The following MLANA variants were observed in gnomAD, a reference collection of about 807,000 sequenced individuals.
The protein encoded by MLANA is melan-A.
MLANA carries 21 observed loss-of-function variants against 15.7 expected under a neutral mutation model. The observed-to-expected ratio is 1.33, with a 90% CI of 0.95 to 1.92. The LOEUF (loss-of-function observed/expected upper bound fraction) is 1.92, where lower values mean the gene tolerates loss of function less well. Ranked by LOEUF, MLANA falls within the 40% of genes most tolerant of loss-of-function variation. The pLI, the probability that MLANA is intolerant of heterozygous loss-of-function variation, is 0.00. For synonymous variants in MLANA, 56 were observed against 51.5 expected, an observed-to-expected ratio of 1.09 and a Z score of -0.37; for missense variants, 164 against 143.8, an observed-to-expected ratio of 1.14 and a Z score of -0.72.
intron 3 of MLANA, among the ~76,000 whole-genome samples, chr9:5,904,210 G>A (rs1333440752): frequency 6.6e-6 from 1 of 150,582 alleles, no homozygotes; most frequent in Non-Finnish European, 1.5e-5. Flanking sequence ...TTTAAAGAGG[G>A]TTTCTTGTAG....
At chr9:5,896,840 A>G (rs541528037) in intron 2 of MLANA, among the ~76,000 whole-genome samples, 1 of 152,328 alleles carries the variant, frequency 6.6e-6, no homozygotes, top group East Asian at 1.9e-4. Context: ...CTGCTTAGAC[A>G]AGATCCTTCT....
chr9:5,892,949 C>A (rs939985103), intron 2 of MLANA, among the ~76,000 whole-genome samples: 2 of 152,126 alleles, frequency 1.3e-5, no homozygotes, highest in African/African-American at 4.8e-5. Flanking sequence ...GCCAAGGAGC[C>A]AGTAAGGATG....
chr9:5,905,008 C>T (rs112976176), intron 3 of MLANA, among the ~76,000 whole-genome samples: 3,104 of 151,906 alleles, frequency 0.02, 49 homozygotes, highest in Non-Finnish European at 0.03. Context: ...CTCCTGACCT[C>T]GTGATCCACA....
chr9:5,891,810 C>T (rs1362155079), intron 1 of MLANA, among the ~76,000 whole-genome samples: 1 of 152,198 alleles, frequency 6.6e-6, no homozygotes, highest in Non-Finnish European at 1.5e-5. Context: ...AAGTCAGGTC[C>T]TGGGCTTCCT....
intron 3 of MLANA, chr9:5,899,054 G>T (rs1294041884): frequency 2.0e-5 from 3 of 152,180 alleles, no homozygotes; most frequent in Non-Finnish European, 4.4e-5. Context: ...ACAGGTTTCA[G>T]CAATCTTGCT....
intron 1 of MLANA, among the ~76,000 whole-genome samples, chr9:5,891,928 C>A (rs2129876949): frequency 6.6e-6 from 1 of 152,308 alleles, no homozygotes; most frequent in South Asian, 2.1e-4. Flanking sequence ...TGCTCAACCT[C>A]ATGCACCCTC....
In MLANA at chr9:5,908,727, A is replaced by G. The variant is rs1170023118; in HGVS notation, c.*19A>G. ...ACCTTAAGAGCCAGCGAGACACCTG[A>G]GACATGCTGAAATTATTTCTCTCAC... On this transcript the variant is annotated 3_prime_UTR_variant, in exon 5 of 5. Coordinates refer to ENST00000381477, the MANE Select transcript of MLANA (RefSeq NM_005511.2). The G allele has an allele frequency of 1.9e-6, 3 of 1,602,522 alleles. No homozygotes were observed. In the South Asian group the frequency reaches 3.3e-5, roughly 18 times the overall value.
At chr9:5,900,130 C>T (rs1303419479) in intron 3 of MLANA, among the ~76,000 whole-genome samples, 8 of 152,142 alleles carry the variant, frequency 5.3e-5, no homozygotes, top group African/African-American at 1.2e-4. Context: ...CTATTGAACA[C>T]AAATGCAGTA....
chr9:5,896,184 A>T (rs1037093668), intron 2 of MLANA, among the ~76,000 whole-genome samples: 14 of 152,256 alleles, frequency 9.2e-5, no homozygotes, highest in Admixed American at 7.2e-4. Context: ...GCACTTGACC[A>T]GCATAATGTC....
At position 5,909,507 on chromosome 9, in the gene MLANA, C is replaced by G. The variant is rs1833033398; in HGVS notation, c.*799C>G. ...TCCTGACCTCAGGTGATCTGCCCGC[C>G]TCAGCCTCCCAAAGTGCTGGAATTA... On this transcript the variant is annotated 3_prime_UTR_variant, in exon 5 of 5. Transcript: ENST00000381477. 6.6e-6 allele frequency: 1 copy of G among 152,326 alleles called. No individual in the cohort carries two copies. The highest frequency in any genetic ancestry group is 2.4e-5 in the African/African-American group (1 of 41,462). 9.4% of individuals were successfully genotyped at this position (152,326 alleles called of 1,614,324 possible). A position where few individuals can be genotyped will look rare whatever the true frequency, so the allele number is the denominator to read the frequency against.
intron 3 of MLANA, among the ~76,000 whole-genome samples, chr9:5,905,557 T>C (rs1423416776): frequency 2.0e-5 from 3 of 152,230 alleles, no homozygotes; most frequent in Non-Finnish European, 4.4e-5. Context: ...AAACTGACTC[T>C]GGTATAGCAT....
At chr9:5,903,870 T>G (rs1832616379) in intron 3 of MLANA, among the ~76,000 whole-genome samples, 1 of 152,090 alleles carries the variant, frequency 6.6e-6, no homozygotes, top group Non-Finnish European at 1.5e-5. Flanking sequence ...TTACTTTTTT[T>G]TTTTTGAGAC....
At chr9:5,908,564 C>T in intron 4 of MLANA, 76 bp from the exon 5 acceptor site, 1 of 1,232,196 alleles carries the variant, frequency 8.1e-7, no homozygotes, top group Non-Finnish European at 1.2e-6. Context: ...AATATGTTAA[C>T]TATTTTAACT....
rs1833059786 is a variant in MLANA at position 5,909,876 on chromosome 9, A to AT, written c.*1169dup. 6.6e-6 allele frequency: 1 copy of AT among 152,222 alleles called. No individual in the cohort carries two copies. The highest frequency in any genetic ancestry group is 1.5e-5 in the Non-Finnish European group (1 of 68,040). The allele number at this position is 152,222 out of a possible 1,614,324, so 9.4% of individuals were successfully genotyped here. A position where few individuals can be genotyped will look rare whatever the true frequency, so the allele number is the denominator to read the frequency against. On this transcript the variant is annotated 3_prime_UTR_variant, in exon 5 of 5. Coordinates refer to ENST00000381477, the MANE Select transcript of MLANA (RefSeq NM_005511.2). ...TTGCAATTTGTTTTCCTTTGGCTAC[A>AT]TCAACGTATCACCTACACTATTATT...
At chr9:5,895,555 G>C (rs1831956831) in intron 2 of MLANA, among the ~76,000 whole-genome samples, 1 of 152,160 alleles carries the variant, frequency 6.6e-6, no homozygotes. Flanking sequence ...AGCCAAGAAG[G>C]ACTACATACC....
At chr9:5,902,758 T>C (rs1464505853) in intron 3 of MLANA, among the ~76,000 whole-genome samples, 3 of 152,114 alleles carry the variant, frequency 2.0e-5, no homozygotes, top group Non-Finnish European at 2.9e-5. Context: ...CCTCCTGCCT[T>C]GCCCTCCCAA....
chr9:5,900,196 CAG>C (rs1175088814), intron 3 of MLANA, among the ~76,000 whole-genome samples: 1 of 152,110 alleles, frequency 6.6e-6, no homozygotes, highest in Non-Finnish European at 1.5e-5. Flanking sequence ...TGAAAAATAA[CAG>C]AGAGTCTTAA....
In MLANA at chr9:5,906,905, C is replaced by T. The variant is rs1832850359; in HGVS notation, c.195C>T (p.Gly65=). The change falls in exon 4 of 5, where the codon GGC becomes GGT. Residue 65 remains glycine, a synonymous_variant. Transcript: ENST00000381477. ...TTCAGGATAAAAGTCTTCATGTTGG[C>T]ACTCAATGTGCCTTAACAAGAAGAT... ...RALMDKSLHV[G]TQCALTRRCP... is the part of the protein sequence containing the mutation. 4 of 1,584,872 alleles carry T rather than the reference C, an allele frequency of 2.5e-6. No individual in the cohort carries two copies. Among genetic ancestry groups the T allele is most frequent in the Non-Finnish European group, 3.4e-6 (4 of 1,168,566 alleles).
At chr9:5,901,204 T>C (rs1832399455) in intron 3 of MLANA, among the ~76,000 whole-genome samples, 1 of 152,126 alleles carries the variant, frequency 6.6e-6, no homozygotes, top group Admixed American at 6.5e-5. Flanking sequence ...TCAGTACACC[T>C]TTTATATCCT....
Sources: allele counts gnomAD v4.1 joint callset (sites outside exome capture counted in the v4.1 genomes callset), GRCh38; gene constraint gnomAD v4.1.1; transcripts MANE v1.5; gene names NCBI Gene and HGNC (gene_info 2026-07-23, HGNC 2026-07-21).